TULP1: variants seen among roughly 807,000 people sequenced by gnomAD.
TULP1 encodes TUB like protein 1.
Under a neutral mutation model 67.1 loss-of-function variants are expected in TULP1, and 50 were observed. That is an observed-to-expected ratio of 0.75 (90% CI 0.59 to 0.94). The LOEUF is 0.94. Ranked by LOEUF, TULP1 falls within the 40% of genes least tolerant of loss-of-function variation. The pLI, the probability that TULP1 is intolerant of heterozygous loss-of-function variation, is 0.00. For synonymous variants in TULP1, 297 were observed against 294.0 expected, an observed-to-expected ratio of 1.01 and a Z score of -0.11; for missense variants, 746 against 734.1, an observed-to-expected ratio of 1.02 and a Z score of -0.19.
intron 7 of TULP1, 109 bp from the exon 8 acceptor site, chr6:35,509,421 C>T (rs554514813): frequency 1.3e-5 from 16 of 1,187,416 alleles, no homozygotes; most frequent in Middle Eastern, 1.9e-4. Context: ...AGAGAGTCGA[C>T]CCCATGTTAT....
intron 7 of TULP1, 106 bp downstream of exon 7, chr6:35,509,528 G>T: frequency 7.9e-7 from 1 of 1,260,302 alleles, no homozygotes; most frequent in Non-Finnish European, 1.2e-6. Context: ...TCTAGACCTG[G>T]CAAACTCCTT....
At chr6:35,500,290 G>T in intron 13 of TULP1, 138 bp from the exon 14 acceptor site, 1 of 934,442 alleles carries the variant, frequency 1.1e-6, no homozygotes, top group Non-Finnish European at 1.7e-6. Context: ...GGGTATCTGA[G>T]AATAGGCTTG....
intron 14 of TULP1, 121 bp downstream of exon 14, chr6:35,499,860 G>T: frequency 8.0e-7 from 1 of 1,248,242 alleles, no homozygotes; most frequent in Non-Finnish European, 1.2e-6. Context: ...CCTGTGGGAT[G>T]TCCCAGCTCT....
At position 35,503,730 on chromosome 6, in the gene TULP1, T is replaced by C; in HGVS notation, c.1224+7A>G. The stretch of plus-strand genomic sequence containing the variant: ...AGCCTGGCATGGGGGACAGGTGGAG[T>C]CCTCACATAGATCACAGCTGCCAGC... On this transcript the variant is annotated splice_region_variant and intron_variant, in intron 12 of 14. Transcript: ENST00000229771. This position sits in a 1 kb window ranked among gnomAD's most constrained non-coding sequence, Gnocchi z 4.0. The C allele has an allele frequency of 6.2e-7, 1 of 1,611,156 alleles. No individual in the cohort carries two copies. Among genetic ancestry groups the C allele is most frequent in the Non-Finnish European group, 8.5e-7 (1 of 1,178,728 alleles).
intron 13 of TULP1, among the ~76,000 whole-genome samples, chr6:35,501,815 A>T (rs565463209): frequency 1.4e-4 from 22 of 152,302 alleles, no homozygotes; most frequent in Middle Eastern, 3.4e-3. Flanking sequence ...CCGTCTCAAA[A>T]CAAAAACAAA....
Position 35,511,800 on chromosome 6 carries a change from C to T in TULP1, c.197G>A (p.Arg66Gln). The change falls in exon 4 of 15, where the codon CGG becomes CAG. Residue 66 changes from arginine (R) to glutamine (Q), a missense_variant. By Grantham distance (43) the Arg-to-Gln change is conservative (BLOSUM62 1). Around this residue, in one of 3 missense-constraint regions of TULP1, gnomAD observed 359 missense variants for 341.9 expected, o/e 1.05. Coordinates refer to ENST00000229771, the MANE Select transcript of TULP1 (RefSeq NM_003322.6). ...GSKPRKPGAG[R>Q]TGRPREEPSP... ...AGGCTCCTCCCGCGGCCTCCCCGTCCGCCCAGCTGAGCCGAGATGCGGGGT... is the reference window on the plus strand; with the variant it reads ...AGGCTCCTCCCGCGGCCTCCCCGTCTGCCCAGCTGAGCCGAGATGCGGGGT... 6.4e-7 allele frequency: 1 copy of T among 1,552,458 alleles called. No individual in the cohort carries two copies. The highest frequency in any genetic ancestry group is 8.7e-7 in the Non-Finnish European group (1 of 1,148,230).
chr6:35,506,206 A>G (rs370008090), intron 9 of TULP1, 33 bp from the exon 10 acceptor site: 2 of 1,612,756 alleles, frequency 1.2e-6, no homozygotes, highest in Non-Finnish European at 1.7e-6. Flanking sequence ...TCAGCCCCAG[A>G]GCACCAGCTC....
rs1390830516 is a variant in TULP1, at chr6:35,512,661, T to G, written c.77A>C (p.Glu26Ala). The G allele has an allele frequency of 1.2e-6, 2 of 1,613,934 alleles. No homozygotes were observed. The highest frequency in any genetic ancestry group is 1.3e-5 in the African/African-American group (1 of 74,916). The change falls in exon 2 of 15, where the codon GAG becomes GCG. Residue 26 changes from glutamate to alanine, a missense_variant. Glu to Ala is a moderately radical substitution (Grantham distance 107, BLOSUM62 -1). Transcript: ENST00000229771. ...SGHEEESLSP[E>A]APRRPKQRPA... ...TACCTGTTTGGGGCGCCGCGGGGCC[T>G]CCGGGCTCAGGCTTTCTTCTTCATG... is the stretch of plus-strand genomic sequence containing the variant.
rs1313593155 is a variant in TULP1, at chr6:35,505,771, C to T, written c.1082G>A (p.Arg361Gln). The T allele has an allele frequency of 9.3e-6, 15 of 1,614,054 alleles. No individual in the cohort carries two copies. The highest frequency in any genetic ancestry group is 1.7e-5 in the Admixed American group (1 of 60,002). Residue 361 changes from arginine to glutamine, a missense_variant, in exon 11 of 15, where the codon CGA (arginine) becomes CAA (glutamine). Around this residue, in one of 3 missense-constraint regions of TULP1, gnomAD observed 383 missense variants for 374.1 expected, o/e 1.02. Coordinates refer to ENST00000229771, the MANE Select transcript of TULP1 (RefSeq NM_003322.6). Reference protein sequence around the residue: ...LISIDPTNLSRGGENFIGKLR... With the variant: ...LISIDPTNLSQGGENFIGKLR... ...CTTCCCGATGAAATTCTCCCCTCCT[C>T]GGGACAGATTGGTAGGGTCGATGGA...
At chr6:35,510,093 G>C (rs552254826) in intron 5 of TULP1, among the ~76,000 whole-genome samples, 165 bp from the exon 6 acceptor site, 47 of 151,342 alleles carry the variant, frequency 3.1e-4, no homozygotes, top group Non-Finnish European at 5.9e-4. Context: ...TCTCACTGTT[G>C]CCCAGGCTGG....
At chr6:35,499,744 G>T (rs912267663) in intron 14 of TULP1, among the ~76,000 whole-genome samples, 11 of 152,138 alleles carry the variant, frequency 7.2e-5, no homozygotes, top group African/African-American at 2.4e-4. Context: ...CACTGCTCTG[G>T]CCAATGCTGG....
intron 11 of TULP1, chr6:35,505,534 A>G (rs1761062091): frequency 2.1e-6 from 3 of 1,428,312 alleles, no homozygotes; most frequent in Non-Finnish European, 2.8e-6. Flanking sequence ...TTAAAAATGT[A>G]GACTCCCGGG....
Position 35,511,634 on chromosome 6 carries a change from G to A in TULP1, c.349+14C>T. 6.3e-7 allele frequency: 1 copy of A among 1,589,698 alleles called. No individual in the cohort carries two copies. Among genetic ancestry groups the A allele is most frequent in the African/African-American group, 1.3e-5 (1 of 74,204 alleles). On this transcript the variant is annotated intron_variant, in intron 4 of 14. Transcript: ENST00000229771. ...CACCGCCCCCTCACCCGCGTCCCTGGGGCCCTCTCTCACCGTCCTCCGCGT... is the reference window on the plus strand; with the variant it reads ...CACCGCCCCCTCACCCGCGTCCCTGAGGCCCTCTCTCACCGTCCTCCGCGT...
At position 35,505,790 on chromosome 6, in the gene TULP1, C is replaced by G; in HGVS notation, c.1063G>C (p.Asp355His). ...CCTCCTCGGGACAGATTGGTAGGGT[C>G]GATGGAGATGAGGTAATTGGCTGTC... is the stretch of plus-strand genomic sequence containing the variant. Reference protein sequence around the residue: ...SKTANYLISIDPTNLSRGGEN... With the variant: ...SKTANYLISIHPTNLSRGGEN... Residue 355 changes from aspartate to histidine, a missense_variant, in exon 11 of 15, where the codon GAC (aspartate) becomes CAC (histidine). This residue lies in a region of TULP1 where 383 missense variants were observed against 374.1 expected (regional missense o/e 1.02). Coordinates refer to ENST00000229771, the MANE Select transcript of TULP1 (RefSeq NM_003322.6). 3.1e-6 allele frequency: 5 copies of G among 1,614,082 alleles called. No individual in the cohort carries two copies. Among genetic ancestry groups the G allele is most frequent in the Non-Finnish European group, 4.2e-6 (5 of 1,180,016 alleles).
Position 35,503,701 on chromosome 6 carries a change from G to A in TULP1, c.1224+36C>T, listed in dbSNP as rs1445926543. 6 of 1,604,088 alleles carry A rather than the reference G, an allele frequency of 3.7e-6. No homozygotes were observed. The highest frequency in any genetic ancestry group is 4.3e-6 in the Non-Finnish European group (5 of 1,175,484). ...CCTGTGAGGCCAGCCCCTGTAAGGG[G>A]AGCAGCCTGGCATGGGGGACAGGTG... is the stretch of plus-strand genomic sequence containing the variant. On this transcript the variant is annotated intron_variant, in intron 12 of 14. Transcript: ENST00000229771. The surrounding 1 kb of genome is among the most constrained non-coding windows in gnomAD (Gnocchi z 4.0).
At chr6:35,507,321 T>A (rs1323712731) in intron 8 of TULP1, among the ~76,000 whole-genome samples, 1 of 151,952 alleles carries the variant, frequency 6.6e-6, no homozygotes, top group Non-Finnish European at 1.5e-5. Context: ...GGATCCTTCA[T>A]TTCCAGTGAA....
rs775084584 is a variant in TULP1 at position 35,506,259 on chromosome 6, G to A, written c.828+15C>T. On this transcript the variant is annotated intron_variant, in intron 9 of 14. Transcript: ENST00000229771. ...CCCAGTGCTGAGACACGGGCAGCCCGGCAGGACAACTCACCGCTTTCTGTG... is the reference window on the plus strand; with the variant it reads ...CCCAGTGCTGAGACACGGGCAGCCCAGCAGGACAACTCACCGCTTTCTGTG... The A allele has an allele frequency of 2.0e-5, 32 of 1,593,368 alleles. No homozygotes were observed. In the African/African-American group the frequency reaches 2.5e-4, roughly 13 times the overall value.
intron 1 of TULP1, 42 bp from the exon 2 acceptor site, chr6:35,512,732 C>CCTCCCCATCCCACCCA (rs1294917798): frequency 6.2e-7 from 1 of 1,606,616 alleles, no homozygotes; most frequent in Non-Finnish European, 8.5e-7. Context: ...CTTCCCCTTC[C>CCTCCCCATCCCACCCA]CTCCCCATCC....
rs907670289 is a variant in TULP1 at position 35,503,378 on chromosome 6, G to A, written c.1323+181C>T. ...TGTAAACTCCAAAAACAACCAAAAAGCCCATTGTGGTTTTTCAGTGAATTC... is the reference window on the plus strand; with the variant it reads ...TGTAAACTCCAAAAACAACCAAAAAACCCATTGTGGTTTTTCAGTGAATTC... On this transcript the variant is annotated intron_variant, in intron 13 of 14. Transcript: ENST00000229771. The surrounding 1 kb of genome is among the most constrained non-coding windows in gnomAD (Gnocchi z 4.0). 1 of 637,930 alleles carries A rather than the reference G, an allele frequency of 1.6e-6. No homozygotes were observed. Among genetic ancestry groups the A allele is most frequent in the African/African-American group, 1.8e-5 (1 of 54,564 alleles). The allele number at this position is 637,930 out of a possible 1,614,324, so 39.5% of individuals were successfully genotyped here.
Sources: gnomAD v4.1 joint callset for allele counts (sites outside exome capture counted in the v4.1 genomes callset) on GRCh38, gnomAD v4.1.1 for gene constraint, gnomAD v4.1.1 regional missense constraint, Gnocchi (gnomAD v3.1) non-coding constraint, MANE v1.5 for transcripts, NCBI Gene and HGNC (gene_info 2026-07-23, HGNC 2026-07-21) for gene names.